SMAP1: variants seen among roughly 807,000 people sequenced by gnomAD.
The protein encoded by SMAP1 is small ArfGAP 1.
SMAP1 carries 24 observed loss-of-function variants against 58.5 expected under a neutral mutation model. The ratio of observed to expected loss-of-function variants is 0.41; its 90% CI spans 0.30 to 0.58. The LOEUF (loss-of-function observed/expected upper bound fraction) is 0.58. Among genes scored for constraint, SMAP1 ranks in the 20% least tolerant of loss-of-function variants. SMAP1 has a pLI of 0.29. For missense variants in SMAP1, 563 were observed against 566.3 expected, an observed-to-expected ratio of 0.99 and a Z score of 0.06; for synonymous variants, 216 against 196.6, an observed-to-expected ratio of 1.10 and a Z score of -0.82.
intron 2 of SMAP1, 21 bp from the exon 3 acceptor site, chr6:70,754,959 A>T (rs757190301): frequency 4.5e-6 from 7 of 1,557,224 alleles, no homozygotes; most frequent in East Asian, 4.5e-5. Flanking sequence ...GTGAGTAATT[A>T]AAAAATTTTT....
intron 6 of SMAP1, among the ~76,000 whole-genome samples, chr6:70,806,770 A>G (rs545801987): frequency 6.6e-6 from 1 of 152,352 alleles, no homozygotes; most frequent in African/African-American, 2.4e-5. Context: ...CTTAATAAGC[A>G]GTTAAACATA....
intron 4 of SMAP1, among the ~76,000 whole-genome samples, chr6:70,776,265 C>T (rs1342055583): frequency 6.6e-6 from 1 of 152,186 alleles, no homozygotes; most frequent in African/African-American, 2.4e-5. Context: ...TCACTGCAAC[C>T]TCTGCCTTGC....
At chr6:70,803,914 T>C (rs549141908) in intron 6 of SMAP1, among the ~76,000 whole-genome samples, 7 of 152,322 alleles carry the variant, frequency 4.6e-5, no homozygotes, top group Non-Finnish European at 8.8e-5. Context: ...CTTCCAATTA[T>C]GTGTCAATTT....
chr6:70,673,973 A>G (rs1451987364), intron 1 of SMAP1, among the ~76,000 whole-genome samples: 2 of 152,134 alleles, frequency 1.3e-5, no homozygotes, highest in Non-Finnish European at 2.9e-5. Context: ...TACATCTCCT[A>G]AATTGTTGCT....
intron 6 of SMAP1, among the ~76,000 whole-genome samples, chr6:70,825,529 G>A (rs1770078893): frequency 6.6e-6 from 1 of 151,980 alleles, no homozygotes; most frequent in African/African-American, 2.4e-5. Context: ...CACTCCTGTT[G>A]GGTTTACTGC....
intron 1 of SMAP1, among the ~76,000 whole-genome samples, chr6:70,671,184 G>T (rs1766247899): frequency 1.4e-5 from 2 of 148,034 alleles, no homozygotes; most frequent in East Asian, 2.0e-4. Context: ...TTTGATTTTT[G>T]TTTTTTTTTT....
intron 1 of SMAP1, among the ~76,000 whole-genome samples, chr6:70,711,869 C>T (rs956575985): frequency 2.0e-5 from 3 of 152,134 alleles, no homozygotes; most frequent in African/African-American, 7.2e-5. Context: ...AGGATTACGT[C>T]ATCTGCAAAT....
intron 6 of SMAP1, 25 bp downstream of exon 6, chr6:70,798,762 T>A (rs1221532403): frequency 1.8e-5 from 27 of 1,490,032 alleles, no homozygotes; most frequent in Non-Finnish European, 2.4e-5. Context: ...TTAAAAATAA[T>A]CTATTAGGAT....
chr6:70,733,161 T>TA (rs1765493139), intron 2 of SMAP1, among the ~76,000 whole-genome samples: 1 of 152,226 alleles, frequency 6.6e-6, no homozygotes, highest in African/African-American at 2.4e-5. Flanking sequence ...TTACACCACT[T>TA]ATTTATGCCC....
chr6:70,860,990 TA>T lies in SMAP1; in HGVS notation c.*658del, dbSNP rs377543568. On this transcript the variant is annotated 3_prime_UTR_variant, in exon 11 of 11. Transcript: ENST00000370455. ...GATCTCTTCTTAATGTACATAGTGCTAACATGAAGACCTTTTTCTGCACTAT... is the reference window on the plus strand; with the variant it reads ...GATCTCTTCTTAATGTACATAGTGCTACATGAAGACCTTTTTCTGCACTAT... The T allele has an allele frequency of 1.1e-4, 36 of 317,602 alleles. No homozygotes were observed. In the South Asian group the frequency reaches 1.6e-3, roughly 14 times the overall value. 19.7% of individuals were successfully genotyped at this position (317,602 alleles called of 1,614,324 possible). A position where few individuals can be genotyped will look rare whatever the true frequency, so the allele number is the denominator to read the frequency against.
intron 1 of SMAP1, among the ~76,000 whole-genome samples, chr6:70,703,029 G>A (rs1767698255): frequency 6.6e-6 from 1 of 151,756 alleles, no homozygotes; most frequent in African/African-American, 2.4e-5. Flanking sequence ...TTGAGGGTTT[G>A]TTTCGATTGA....
At chr6:70,779,393 C>A (rs1441483635) in intron 4 of SMAP1, among the ~76,000 whole-genome samples, 4 of 152,180 alleles carry the variant, frequency 2.6e-5, no homozygotes, top group Non-Finnish European at 5.9e-5. Flanking sequence ...GCAGCAGCAG[C>A]TTGGTCCCAG....
chr6:70,771,719 C>T (rs71559594), intron 3 of SMAP1, among the ~76,000 whole-genome samples: 1 of 152,174 alleles, frequency 6.6e-6, no homozygotes, highest in Non-Finnish European at 1.5e-5. Flanking sequence ...GAGGCAATGC[C>T]TCTCCCTGCT....
At chr6:70,823,634 T>C (rs1340438580) in intron 6 of SMAP1, among the ~76,000 whole-genome samples, 1 of 152,334 alleles carries the variant, frequency 6.6e-6, no homozygotes, top group East Asian at 1.9e-4. Context: ...TATTTGTGTC[T>C]AACCTATGTA....
At chr6:70,858,276 ATTTTC>A in intron 10 of SMAP1, 47 bp downstream of exon 10, 2 of 296,324 alleles carry the variant, frequency 6.7e-6, no homozygotes, top group Non-Finnish European at 1.1e-5. Context: ...AACCAGATTT[ATTTTC>A]TAAATCTTTT....
At chr6:70,839,477 C>T (rs1005842171) in intron 7 of SMAP1, among the ~76,000 whole-genome samples, 4 of 152,118 alleles carry the variant, frequency 2.6e-5, no homozygotes, top group African/African-American at 7.2e-5. Flanking sequence ...ACTCATGGGC[C>T]TGTAGGTCTG....
chr6:70,685,053 T>G (rs1562091788), intron 1 of SMAP1, among the ~76,000 whole-genome samples: 1 of 152,228 alleles, frequency 6.6e-6, no homozygotes. Context: ...GAGGATTAAC[T>G]GAGCTTGTGA....
chr6:70,682,708 G>C (rs16880774), intron 1 of SMAP1, among the ~76,000 whole-genome samples: 26 of 152,180 alleles, frequency 1.7e-4, no homozygotes, highest in African/African-American at 6.0e-4. Context: ...ATTGCCAGAA[G>C]TGTTGGGACC....
chr6:70,853,277 G>A (rs1163940236), intron 8 of SMAP1, among the ~76,000 whole-genome samples: 1 of 151,746 alleles, frequency 6.6e-6, no homozygotes, highest in African/African-American at 2.4e-5. Flanking sequence ...AAGTATTAAT[G>A]GTGAAGAAAT....
Sources: gnomAD v4.1 joint callset for allele counts (sites outside exome capture counted in the v4.1 genomes callset) on GRCh38, gnomAD v4.1.1 for gene constraint, MANE v1.5 for transcripts, NCBI Gene and HGNC (gene_info 2026-07-23, HGNC 2026-07-21) for gene names.